NUTM1: variants seen among roughly 807,000 people sequenced by gnomAD.
The protein encoded by NUTM1 is NUT midline carcinoma family member 1, also known as NUT family member 1.
Under a neutral mutation model 88.7 loss-of-function variants are expected in NUTM1, and 39 were observed. The ratio of observed to expected loss-of-function variants is 0.44; its 90% confidence interval spans 0.34 to 0.57. The LOEUF (loss-of-function observed/expected upper bound fraction) is 0.57, where lower values mean the gene tolerates loss of function less well. Ranked by LOEUF, NUTM1 falls within the 20% of genes least tolerant of loss-of-function variation. NUTM1 has a pLI of 0.01. For synonymous variants in NUTM1, 494 were observed against 538.0 expected, an observed-to-expected ratio of 0.92 and a Z score of 1.13; for missense variants, 1,350 against 1,414.5, an observed-to-expected ratio of 0.95 and a Z score of 0.73.
Position 34,345,945 on chromosome 15 carries a change from AC to A in NUTM1, c.11del (p.Thr4IlefsTer19). On this transcript the variant is annotated frameshift_variant, in exon 2 of 8. Transcript: ENST00000537011. LOFTEE classifies it high-confidence loss of function. ...CCTGTGCACCTACTGGAGCCAGGTT[AC>A]TCTGGGTCCTGGACCTGACTGCCTC... MVV[T>X]LGPGPDCLIL... The A allele has an allele frequency of 6.2e-7, 1 of 1,613,752 alleles. No individual in the cohort carries two copies. The highest frequency in any genetic ancestry group is 2.2e-5 in the East Asian group (1 of 44,866).
rs371133853 is a variant in NUTM1 at position 34,357,054 on chromosome 15, A to G, written c.3046A>G (p.Thr1016Ala). ...GTRNAIVPRE[T>A]SVSKTHRSAD... ...CAGGAATGCCATAGTTCCGAGAGAA[A>G]CTTCTGTTAGTAAAACACACAGGTC... Residue 1016 changes from threonine (T) to alanine (A), a missense_variant, in exon 8 of 8, where the codon ACT becomes GCT. Thr to Ala is a moderately conservative substitution (Grantham distance 58). Around this residue, in one of 5 missense-constraint regions of NUTM1, gnomAD observed 730 missense variants for 728.8 expected, o/e 1.00. Coordinates refer to ENST00000537011, the MANE Select transcript of NUTM1 (RefSeq NM_001284292.2). The G allele has an allele frequency of 4.3e-6, 7 of 1,614,120 alleles. No individual in the cohort carries two copies. Among genetic ancestry groups the G allele is most frequent in the Non-Finnish European group, 5.9e-6 (7 of 1,180,018 alleles).
Position 34,348,076 on chromosome 15 carries a change from C to T in NUTM1, c.208C>T (p.Pro70Ser), listed in dbSNP as rs1412581502. The T allele has an allele frequency of 6.2e-7, 1 of 1,614,148 alleles. No individual in the cohort carries two copies. The highest frequency in any genetic ancestry group is 8.5e-7 in the Non-Finnish European group (1 of 1,180,020). Residue 70 changes from proline (P) to serine (S), a missense_variant, in exon 3 of 8, where the codon CCC becomes TCC. Physicochemically the swap from Pro to Ser is moderately conservative, Grantham distance 74 (BLOSUM62 -1). Coordinates refer to ENST00000537011, the MANE Select transcript of NUTM1 (RefSeq NM_001284292.2). ...AACTTCTGACCCACCAGACCACCCA[C>T]CCAGGGAGCCACCTCCACAGCCCAT... ...PPTSDPPDHP[P>S]REPPPQPIMP...
In NUTM1 at chr15:34,354,568, G is replaced by A. The variant is rs61737334; in HGVS notation, c.1198G>A (p.Val400Ile). The change falls in exon 6 of 8, where the codon GTT becomes ATT. Residue 400 changes from valine to isoleucine, a missense_variant. Physicochemically the swap from Val to Ile is conservative, Grantham distance 29. This residue lies in a region of NUTM1 where 126 missense variants were observed against 189.8 expected (regional missense o/e 0.66). Transcript: ENST00000537011. ...EIPPEAVKEY[V>I]DIMEWLVGTH... ...CCCACCAGAAGCTGTGAAGGAGTATGTTGACATCATGGAATGGCTGGTGGG... is the reference window on the plus strand; with the variant it reads ...CCCACCAGAAGCTGTGAAGGAGTATATTGACATCATGGAATGGCTGGTGGG... 0.012 allele frequency: 19,407 copies of A among 1,614,192 alleles called. 221 individuals carry two copies. The highest frequency in any genetic ancestry group is 0.054 in the African/African-American group (4,041 of 75,038).
intron 3 of NUTM1, among the ~76,000 whole-genome samples, chr15:34,349,319 G>T (rs1342645057): frequency 6.6e-6 from 1 of 152,192 alleles, no homozygotes; most frequent in Non-Finnish European, 1.5e-5. Flanking sequence ...CAGTTAAAAA[G>T]GGGGATAACT....
Position 34,350,731 on chromosome 15 carries a change from G to A in NUTM1, c.837G>A (p.Leu279=), listed in dbSNP as rs750696984. The change falls in exon 4 of 8, where the codon CTG becomes CTA. Residue 279 remains leucine, a synonymous_variant. Coordinates refer to ENST00000537011, the MANE Select transcript of NUTM1 (RefSeq NM_001284292.2). ...LIPVLRSLAR[L]KPTMTLEEGL... is the part of the protein sequence containing the mutation. ...CAGTGCTTCGTTCCCTGGCCCGGCTGAAGCCCACTATGACCCTGGAGGAGG... is the reference window on the plus strand; with the variant it reads ...CAGTGCTTCGTTCCCTGGCCCGGCTAAAGCCCACTATGACCCTGGAGGAGG... 2 of 1,613,196 alleles carry A rather than the reference G, an allele frequency of 1.2e-6. No individual in the cohort carries two copies. Among genetic ancestry groups the A allele is most frequent in the Non-Finnish European group, 1.7e-6 (2 of 1,179,938 alleles).
chr15:34,356,038 A>C lies in NUTM1; in HGVS notation c.2030A>C (p.Gln677Pro), dbSNP rs749204415. The C allele has an allele frequency of 6.2e-7, 1 of 1,614,038 alleles. No homozygotes were observed. Among genetic ancestry groups the C allele is most frequent in the Non-Finnish European group, 8.5e-7 (1 of 1,180,008 alleles). Residue 677 changes from glutamine (Q) to proline (P), a missense_variant, in exon 8 of 8, where the codon CAA (glutamine) becomes CCA (proline). Gln to Pro is a moderately conservative substitution (Grantham distance 76). Transcript: ENST00000537011. ...GCAGAGCTGGCTCCTCTGCAAGGACAAGGGTTAGAAAAGCAAGTCCTGGGA... is the reference window on the plus strand; with the variant it reads ...GCAGAGCTGGCTCCTCTGCAAGGACCAGGGTTAGAAAAGCAAGTCCTGGGA... ...GLAELAPLQG[Q>P]GLEKQVLGLQ... is the part of the protein sequence containing the mutation.
chr15:34,355,125 C>G lies in NUTM1; in HGVS notation c.1467C>G (p.Leu489=), dbSNP rs932879184. The G allele has an allele frequency of 1.2e-6, 2 of 1,603,262 alleles. No homozygotes were observed. The highest frequency in any genetic ancestry group is 2.7e-5 in the African/African-American group (2 of 74,826). Residue 489 remains leucine, a synonymous_variant, in exon 7 of 8, where the codon CTC becomes CTG. Coordinates refer to ENST00000537011, the MANE Select transcript of NUTM1 (RefSeq NM_001284292.2). This position sits in a 1 kb window ranked among gnomAD's most constrained non-coding sequence, Gnocchi z 4.3. The part of the protein sequence containing the change: ...LIEELEQEEG[L]TLAQLVQKRL... ...AGGAGCTAGAGCAAGAAGAAGGACT[C>G]ACTCTTGCCCAGGTAAAACTGGGGT...
At chr15:34,344,087 T>C (rs1890536950) in intron 1 of NUTM1, among the ~76,000 whole-genome samples, 2 of 150,164 alleles carry the variant, frequency 1.3e-5, no homozygotes, top group African/African-American at 4.9e-5. Context: ...CCGGGCGTGG[T>C]GGTGGGCGCC....
rs542521598 is a variant in NUTM1, at chr15:34,349,374, T to C, written c.809+697T>C. Among the ~76,000 whole-genome samples, 54 of 152,340 alleles carry C rather than the reference T, an allele frequency of 3.5e-4. 1 individual carries two copies. Among genetic ancestry groups the C allele is most frequent in the Admixed American group, 1.0e-3 (16 of 15,304 alleles). On this transcript the variant is annotated intron_variant, in intron 3 of 7. Transcript: ENST00000537011. ...GCTGAGGAGATTAAATGGGTTAATATATGTGAAGTCCTTGGCGCAGAGAAT... is the reference window on the plus strand; with the variant it reads ...GCTGAGGAGATTAAATGGGTTAATACATGTGAAGTCCTTGGCGCAGAGAAT...
intron 4 of NUTM1, among the ~76,000 whole-genome samples, chr15:34,352,974 C>G (rs1207807256): frequency 7.0e-6 from 1 of 142,870 alleles, no homozygotes; most frequent in Admixed American, 7.2e-5. Flanking sequence ...CAACCTCTGC[C>G]TCCTGGGTTC....
Position 34,356,928 on chromosome 15 carries a change from C to T in NUTM1, c.2920C>T (p.Leu974Phe), listed in dbSNP as rs1220117100. Residue 974 changes from leucine to phenylalanine, a missense_variant, in exon 8 of 8, where the codon CTT (leucine) becomes TTT (phenylalanine). Physicochemically the swap from Leu to Phe is conservative, Grantham distance 22. Coordinates refer to ENST00000537011, the MANE Select transcript of NUTM1 (RefSeq NM_001284292.2). ...TCCTGATCTGTCCAAGCCTAAAAAC[C>T]TTGCTCCTTTACAAGAGAGTCAGGA... is the stretch of plus-strand genomic sequence containing the variant. ...VDPDLSKPKN[L>F]APLQESQESY... 1.9e-6 allele frequency: 3 copies of T among 1,613,716 alleles called. No individual in the cohort carries two copies. The highest frequency in any genetic ancestry group is 1.7e-5 in the Admixed American group (1 of 59,948).
chr15:34,353,168 A>G (rs982920163), intron 4 of NUTM1, among the ~76,000 whole-genome samples: 1 of 151,458 alleles, frequency 6.6e-6, no homozygotes, highest in Admixed American at 6.6e-5. Context: ...TACAGGCGTG[A>G]GCCACTGCGC....
rs1296285017 is a variant in NUTM1, at chr15:34,343,787, G to T, written c.6+85G>T. On this transcript the variant is annotated intron_variant, in intron 1 of 7. Transcript: ENST00000537011. ...AAGAATATAGAAGTTCTCCTTATAA[G>T]ACTCTCGTTTAAAGAAATGAAAATG... The T allele has an allele frequency of 1.1e-5, 13 of 1,231,954 alleles. No homozygotes were observed. The Admixed American group carries it at 1.9e-4, about 18-fold the overall frequency. 76.3% of individuals were successfully genotyped at this position (1,231,954 alleles called of 1,614,324 possible).
rs1479183692 is a variant in NUTM1 at position 34,356,023 on chromosome 15, C to T, written c.2015C>T (p.Ala672Val). The change falls in exon 8 of 8, where the codon GCT becomes GTT. Residue 672 changes from alanine to valine, a missense_variant. Transcript: ENST00000537011. ...PSLDAGLAEL[A>V]PLQGQGLEKQ... ...TTGGATGCTGGACTTGCAGAGCTGG[C>T]TCCTCTGCAAGGACAAGGGTTAGAA... is the stretch of plus-strand genomic sequence containing the variant. 6.2e-7 allele frequency: 1 copy of T among 1,614,162 alleles called. No individual in the cohort carries two copies. The highest frequency in any genetic ancestry group is 2.2e-5 in the East Asian group (1 of 44,868).
chr15:34,354,975 G>A (rs907473370), intron 6 of NUTM1, 46 bp from the exon 7 acceptor site: 1 of 1,431,874 alleles, frequency 7.0e-7, no homozygotes, highest in Admixed American at 1.7e-5. Flanking sequence ...TTGTTTCACA[G>A]GTTACCTGCT....
chr15:34,348,679 T>C lies in NUTM1; in HGVS notation c.809+2T>C. 6.3e-7 allele frequency: 1 copy of C among 1,578,548 alleles called. No individual in the cohort carries two copies. Among genetic ancestry groups the C allele is most frequent in the Non-Finnish European group, 8.6e-7 (1 of 1,157,624 alleles). ...AGAAGCTCTTTCCTGTTTTCTTATG[T>C]AAGTGGGGAGACCGGAGATTAATTA... On this transcript the variant is annotated splice_donor_variant, in intron 3 of 7. Coordinates refer to ENST00000537011, the MANE Select transcript of NUTM1 (RefSeq NM_001284292.2). LOFTEE classifies it high-confidence loss of function.
intron 1 of NUTM1, among the ~76,000 whole-genome samples, chr15:34,344,359 G>A (rs969815527): frequency 4.0e-5 from 6 of 148,908 alleles, no homozygotes; most frequent in East Asian, 2.0e-4. Context: ...AAAAATTAGC[G>A]GGGCGTGGTG....
intron 2 of NUTM1, among the ~76,000 whole-genome samples, chr15:34,346,913 A>T (rs1174234784): frequency 7.1e-6 from 1 of 139,966 alleles, no homozygotes; most frequent in Non-Finnish European, 1.5e-5. Context: ...AAAAAGCAGC[A>T]CTTAGAGGCA....
At chr15:34,346,982 A>G (rs1461199764) in intron 2 of NUTM1, among the ~76,000 whole-genome samples, 1 of 149,812 alleles carries the variant, frequency 6.7e-6, no homozygotes, top group Non-Finnish European at 1.5e-5. Flanking sequence ...TTGTTGAAAA[A>G]GAAGCAACTT....
Sources: gnomAD v4.1 joint callset for allele counts (sites outside exome capture counted in the v4.1 genomes callset) on GRCh38, gnomAD v4.1.1 for gene constraint, gnomAD v4.1.1 regional missense constraint, Gnocchi (gnomAD v3.1) non-coding constraint, MANE v1.5 for transcripts, NCBI Gene and HGNC (gene_info 2026-07-23, HGNC 2026-07-21) for gene names.